The following LINGO2 variants were observed in gnomAD, a reference collection of about 807,000 sequenced individuals.
LINGO2 encodes the protein leucine-rich repeat and immunoglobulin-like domain-containing nogo receptor-interacting protein 2.
Under a neutral mutation model 30.6 loss-of-function variants are expected in LINGO2, and 14 were observed. That is an observed-to-expected ratio of 0.46 (90% CI 0.30 to 0.72). The LOEUF (loss-of-function observed/expected upper bound fraction) is 0.72. Ranked by LOEUF, LINGO2 falls within the 30% of genes least tolerant of loss-of-function variation. The probability of loss-of-function intolerance (pLI) is 0.07; values close to 1 mark genes in which losing one functional copy is unlikely to be tolerated. For synonymous variants in LINGO2, 317 were observed against 288.5 expected (o/e 1.10, Z -1.00); for missense variants, 729 against 751.7 (o/e 0.97, Z 0.35).
At chr9:28,299,406 G>C (rs533679523) in intron 3 of LINGO2, among the ~76,000 whole-genome samples, 3 of 151,756 alleles carry the variant, frequency 2.0e-5, no homozygotes, top group East Asian at 1.9e-4. Context: ...TTAGGGAAAG[G>C]GTAGGTTTGG....
intron 4 of LINGO2, among the ~76,000 whole-genome samples, chr9:28,248,714 T>C (rs528329764): frequency 2.0e-5 from 3 of 152,338 alleles, no homozygotes; most frequent in African/African-American, 7.2e-5. Context: ...TGTACCACAG[T>C]ATCTCATGTA....
chr9:29,029,689 A>C, the LINGO2 span, among the ~76,000 whole-genome samples: 1 of 152,140 alleles, frequency 6.6e-6, no homozygotes, highest in Non-Finnish European at 1.5e-5. Context: ...TTTGAAGAGA[A>C]ATGTAAGAAG....
the LINGO2 span, among the ~76,000 whole-genome samples, chr9:28,690,712 C>A: frequency 6.6e-6 from 1 of 152,244 alleles, no homozygotes. Context: ...CCCACTTAAT[C>A]AGATGAATTC....
At chr9:28,793,591 C>T in the LINGO2 span, among the ~76,000 whole-genome samples, 2 of 152,180 alleles carry the variant, frequency 1.3e-5, no homozygotes, top group South Asian at 2.1e-4. Context: ...TAGCTATACA[C>T]ATAGGAGTGG....
chr9:28,299,807 T>G (rs956248380), intron 3 of LINGO2, among the ~76,000 whole-genome samples: 11 of 152,108 alleles, frequency 7.2e-5, no homozygotes, highest in Admixed American at 1.3e-4. Flanking sequence ...GATGAAAAAC[T>G]TAGTCCCAGG....
At chr9:28,025,867 A>G (rs905134111) in intron 4 of LINGO2, among the ~76,000 whole-genome samples, 1 of 152,064 alleles carries the variant, frequency 6.6e-6, no homozygotes, top group Non-Finnish European at 1.5e-5. Context: ...GGGGTTAAAT[A>G]TGGTCTACAC....
intron 5 of LINGO2, among the ~76,000 whole-genome samples, chr9:27,951,785 T>C (rs187287238): frequency 3.9e-5 from 6 of 152,288 alleles, no homozygotes; most frequent in African/African-American, 1.4e-4. Context: ...AAGTATTTCA[T>C]AAACTTCAAC....
In LINGO2 at chr9:28,506,485, C is replaced by CAT. The variant is rs1491111372; in HGVS notation, c.-364-30462_-364-30461dup. On this transcript the variant is annotated intron_variant, in intron 1 of 5. Coordinates refer to ENST00000379992, the Ensembl canonical transcript of LINGO2. ...ACATACACACACACACACACATACA[C>CAT]ATACACACACACACACAGACATATA... 5.7e-4 allele frequency among the ~76,000 whole-genome samples: 42 copies of CAT among 73,374 alleles called. 1 individual carries two copies. The highest frequency in any genetic ancestry group is 9.0e-4 in the Admixed American group (5 of 5,584). The allele number at this position is 73,374 out of a possible 152,430, so 48.1% of individuals were successfully genotyped here.
intron 1 of LINGO2, among the ~76,000 whole-genome samples, chr9:28,540,171 G>A (rs1821614229): frequency 6.6e-6 from 1 of 151,920 alleles, no homozygotes; most frequent in South Asian, 2.1e-4. Flanking sequence ...AACCATCATG[G>A]AAGGCTACAC....
chr9:28,604,594 T>C lies in LINGO2; in HGVS notation c.-365+65606A>G, dbSNP rs116118208. On this transcript the variant is annotated intron_variant, in intron 1 of 5. Transcript: ENST00000379992. ...GGTGGGAAGTATTTTTATTTAACAA[T>C]GAGAGTATTTAGAGGCAAATGATTT... Among the ~76,000 whole-genome samples, 858 of 152,174 alleles carry C rather than the reference T, an allele frequency of 5.6e-3. 10 individuals are homozygous for C. The highest frequency in any genetic ancestry group is 0.02 in the African/African-American group (827 of 41,558).
At chr9:27,970,818 G>C (rs1820317495) in intron 5 of LINGO2, among the ~76,000 whole-genome samples, 1 of 151,896 alleles carries the variant, frequency 6.6e-6, no homozygotes, top group Admixed American at 6.6e-5. Flanking sequence ...ATAATGGTAT[G>C]CTATGGAAAC....
At chr9:29,063,800 C>A in the LINGO2 span, among the ~76,000 whole-genome samples, 4 of 152,130 alleles carry the variant, frequency 2.6e-5, no homozygotes, top group African/African-American at 7.2e-5. Flanking sequence ...CATACTTTTA[C>A]AATTTTAATA....
At chr9:29,083,556 A>T in the LINGO2 span, among the ~76,000 whole-genome samples, 1 of 152,008 alleles carries the variant, frequency 6.6e-6, no homozygotes, top group Non-Finnish European at 1.5e-5. Context: ...CATTGTGCAC[A>T]TGTAACCTAG....
At chr9:29,193,356 A>G in the LINGO2 span, among the ~76,000 whole-genome samples, 1 of 151,938 alleles carries the variant, frequency 6.6e-6, no homozygotes, top group South Asian at 2.1e-4. Context: ...CACCCACTCC[A>G]TTTGTCTCCA....
At chr9:28,373,681 C>T (rs1587564284) in intron 2 of LINGO2, among the ~76,000 whole-genome samples, 4 of 152,100 alleles carry the variant, frequency 2.6e-5, no homozygotes, top group African/African-American at 9.7e-5. Flanking sequence ...AGGTAGATCA[C>T]CTGAGGTCAG....
the LINGO2 span, among the ~76,000 whole-genome samples, chr9:28,836,528 C>T: frequency 3.3e-5 from 5 of 152,164 alleles, no homozygotes; most frequent in Admixed American, 3.3e-4. Context: ...GTTGGTCAGG[C>T]TGGTCTCAAA....
At chr9:28,857,951 T>A in the LINGO2 span, among the ~76,000 whole-genome samples, 3 of 152,012 alleles carry the variant, frequency 2.0e-5, no homozygotes, top group South Asian at 4.1e-4. Context: ...AATTTAGATA[T>A]CGTATGCGGC....
chr9:29,081,177 A>G, the LINGO2 span, among the ~76,000 whole-genome samples: 3 of 152,156 alleles, frequency 2.0e-5, no homozygotes, highest in Admixed American at 6.5e-5. Context: ...AAAATCCTCA[A>G]TAAAATACTG....
the LINGO2 span, among the ~76,000 whole-genome samples, chr9:28,801,552 T>C: frequency 2.0e-5 from 3 of 152,076 alleles, no homozygotes; most frequent in Admixed American, 2.0e-4. Context: ...TCACTTAATT[T>C]CAGTTACCTT....
Sources: allele counts gnomAD v4.1 joint callset (sites outside exome capture counted in the v4.1 genomes callset), GRCh38; gene constraint gnomAD v4.1.1; transcripts MANE v1.5; gene names NCBI Gene and HGNC (gene_info 2026-07-23, HGNC 2026-07-21).